STRIP2: variants seen among roughly 807,000 people sequenced by gnomAD.
STRIP2 encodes striatin-interacting protein 2.
STRIP2 carries 84 observed loss-of-function variants against 107.1 expected under a neutral mutation model. The observed-to-expected ratio is 0.78, with a 90% confidence interval of 0.66 to 0.94. STRIP2 has a LOEUF of 0.94. Ranked by LOEUF, STRIP2 falls within the 40% of genes least tolerant of loss-of-function variation. The probability of loss-of-function intolerance (pLI) is 0.00; values close to 1 mark genes in which losing one functional copy is unlikely to be tolerated. For synonymous variants in STRIP2, 394 were observed against 400.4 expected, an observed-to-expected ratio of 0.98 and a Z score of 0.19; for missense variants, 888 against 1,034.2, an observed-to-expected ratio of 0.86 and a Z score of 1.94.
At chr7:129,465,684 C>G (rs1368463451) in intron 16 of STRIP2, among the ~76,000 whole-genome samples, 1 of 152,198 alleles carries the variant, frequency 6.6e-6, no homozygotes, top group East Asian at 1.9e-4. Flanking sequence ...AATTAAGAAG[C>G]TGCTTTCCCG....
rs1475687232 is a variant in STRIP2 at position 129,453,248 on chromosome 7, C to G, written c.431C>G (p.Ser144Ter). The G allele has an allele frequency of 1.2e-6, 2 of 1,613,974 alleles. No individual in the cohort carries two copies. Among genetic ancestry groups the G allele is most frequent in the Non-Finnish European group, 1.7e-6 (2 of 1,180,000 alleles). The change falls in exon 5 of 21, where the codon TCA becomes TGA. Residue 144 changes from serine to a stop codon, truncating the protein, a stop_gained. Transcript: ENST00000249344. LOFTEE classifies it high-confidence loss of function. Reference protein sequence around the residue: ...LAQGTFGECDSEVDVLHWSRY... With the variant: ...LAQGTFGECD ...TTAGGTACTTTTGGGGAATGTGATTCAGAGGTCGATGTGCTACACTGGTCC... is the reference window on the plus strand; with the variant it reads ...TTAGGTACTTTTGGGGAATGTGATTGAGAGGTCGATGTGCTACACTGGTCC...
rs1445864872 is a variant in STRIP2 at position 129,454,481 on chromosome 7, C to T, written c.660C>T (p.Asp220=). 4 of 1,614,118 alleles carry T rather than the reference C, an allele frequency of 2.5e-6. No homozygotes were observed. Among genetic ancestry groups the T allele is most frequent in the Non-Finnish European group, 3.4e-6 (4 of 1,179,986 alleles). ...ATATTCGCCTGGAGCGAGAGACAGA[C>T]CCCTGTGGGTGGAGAACAGCCCGGG... The part of the protein sequence containing the change: ...VENIRLERET[D]PCGWRTARET... The change falls in exon 7 of 21, where the codon GAC becomes GAT. Residue 220 remains aspartate, a synonymous_variant. Transcript: ENST00000249344.
chr7:129,434,512 G>A lies in STRIP2; in HGVS notation c.40G>A (p.Ala14Thr). 2.0e-6 allele frequency: 3 copies of A among 1,517,500 alleles called. No individual in the cohort carries two copies. The highest frequency in any genetic ancestry group is 2.6e-6 in the Non-Finnish European group (3 of 1,139,944). 94.0% of individuals were successfully genotyped at this position (1,517,500 alleles called of 1,614,324 possible). A position where few individuals can be genotyped will look rare whatever the true frequency, so the allele number is the denominator to read the frequency against. ...PAAPGTGGPP[A>T]NGNGNGGGKG... Reference sequence around the variant, plus strand: ...CGCGCCTGGGACCGGGGGCCCGCCCGCAAATGGCAATGGCAACGGCGGCGG... The same window carrying A: ...CGCGCCTGGGACCGGGGGCCCGCCCACAAATGGCAATGGCAACGGCGGCGG... The change falls in exon 1 of 21, where the codon GCA (alanine) becomes ACA (threonine). Residue 14 changes from alanine to threonine, a missense_variant. Coordinates refer to ENST00000249344, the MANE Select transcript of STRIP2 (RefSeq NM_020704.3).
At chr7:129,485,511 C>A (rs10500117) in intron 20 of STRIP2, 68 bp from the exon 21 acceptor site, 4 of 1,571,654 alleles carry the variant, frequency 2.5e-6, no homozygotes, top group African/African-American at 2.7e-5. Context: ...TCCCATAGAC[C>A]ATGCTCTGTG....
At position 129,455,297 on chromosome 7, in the gene STRIP2, A is replaced by G. The variant is rs150002869; in HGVS notation, c.760A>G (p.Thr254Ala). 4.3e-5 allele frequency: 70 copies of G among 1,613,936 alleles called. No individual in the cohort carries two copies. In the East Asian group the frequency reaches 1.4e-3, roughly 33 times the overall value. ...PFALLLFSMV[T>A]KFCSGLAPHF... is the part of the protein sequence containing the mutation. ...TGCCCTTTTACTCTTCTCCATGGTT[A>G]CCAAGTTCTGCAGTGGCCTGGCTCC... is the stretch of plus-strand genomic sequence containing the variant. Residue 254 changes from threonine (T) to alanine (A), a missense_variant, in exon 8 of 21, where the codon ACC becomes GCC. Physicochemically the swap from Thr to Ala is moderately conservative, Grantham distance 58 (BLOSUM62 0). Transcript: ENST00000249344.
chr7:129,464,518 C>G, intron 15 of STRIP2, 94 bp from the exon 16 acceptor site: 1 of 1,404,258 alleles, frequency 7.1e-7, no homozygotes, highest in South Asian at 1.3e-5. Flanking sequence ...TTCTGGCTCT[C>G]TTGTGTATAT....
chr7:129,460,967 G>T (rs2402952), intron 13 of STRIP2, among the ~76,000 whole-genome samples: 29,933 of 152,222 alleles, frequency 0.2, 3,856 homozygotes, highest in Non-Finnish European at 0.28. Context: ...TTTGAAGCAG[G>T]GGAGTGATAT....
chr7:129,443,894 G>A, intron 2 of STRIP2, 130 bp from the exon 3 acceptor site: 1 of 712,656 alleles, frequency 1.4e-6, no homozygotes, highest in Non-Finnish European at 2.5e-6. Context: ...TGAAAAGGAG[G>A]AAGCTAGCTT....
At chr7:129,456,675 AC>A in intron 9 of STRIP2, 33 bp downstream of exon 9, 1 of 1,577,814 alleles carries the variant, frequency 6.3e-7, no homozygotes. Flanking sequence ...GTATTGGGAC[AC>A]CGACTGGCCA....
rs1798542620 is a variant in STRIP2, at chr7:129,461,740, A to G, written c.1477-1226A>G. ...TTGGAGTGTATTGAAGGGAATGTCA[A>G]AAAAGGAGGTAGATGATATAAAAGT... is the stretch of plus-strand genomic sequence containing the variant. On this transcript the variant is annotated intron_variant, in intron 13 of 20. Coordinates refer to ENST00000249344, the MANE Select transcript of STRIP2 (RefSeq NM_020704.3). This position sits in a 1 kb window ranked among gnomAD's most constrained non-coding sequence, Gnocchi z 4.0. 6.6e-6 allele frequency among the ~76,000 whole-genome samples: 1 copy of G among 152,212 alleles called. No individual in the cohort carries two copies. The highest frequency in any genetic ancestry group is 1.5e-5 in the Non-Finnish European group (1 of 68,040).
At chr7:129,456,318 G>A in intron 8 of STRIP2, 121 bp from the exon 9 acceptor site, 1 of 799,358 alleles carries the variant, frequency 1.3e-6, no homozygotes, top group Non-Finnish European at 2.0e-6. Context: ...CCTTATTAAG[G>A]AAAAGGTCTG....
Position 129,434,462 on chromosome 7 carries a change from T to C in STRIP2, c.-11T>C, listed in dbSNP as rs551874048. The C allele has an allele frequency of 2.7e-6, 4 of 1,503,820 alleles. No homozygotes were observed. The South Asian group carries it at 3.7e-5, about 14-fold the overall frequency. The allele number at this position is 1,503,820 out of a possible 1,614,324, so 93.2% of individuals were successfully genotyped here. A position where few individuals can be genotyped will look rare whatever the true frequency, so the allele number is the denominator to read the frequency against. On this transcript the variant is annotated 5_prime_UTR_variant, in exon 1 of 21. Transcript: ENST00000249344. ...CGAGCTGAACCCTGAGGGGAGCCGC[T>C]GACCAGCAGCATGGAGGACCCCGCC...
rs902703656 is a variant in STRIP2, at chr7:129,458,112, C to T, written c.1039-103C>T. ...TTTCGCAAGGGCTGTGTTCAGATTC[C>T]ATGTTCCCTGAAATGTGGAGGCCTG... On this transcript the variant is annotated intron_variant, in intron 9 of 20. Coordinates refer to ENST00000249344, the MANE Select transcript of STRIP2 (RefSeq NM_020704.3). This position sits in a 1 kb window ranked among gnomAD's most constrained non-coding sequence, Gnocchi z 4.6. 1.1e-6 allele frequency: 1 copy of T among 879,614 alleles called. No individual in the cohort carries two copies. The highest frequency in any genetic ancestry group is 1.6e-5 in the African/African-American group (1 of 60,648). 54.5% of individuals were successfully genotyped at this position (879,614 alleles called of 1,614,324 possible). A position where few individuals can be genotyped will look rare whatever the true frequency, so the allele number is the denominator to read the frequency against.
chr7:129,453,447 G>A (rs1798254706), intron 5 of STRIP2, 100 bp downstream of exon 5: 1 of 1,467,912 alleles, frequency 6.8e-7, no homozygotes. Context: ...CCCCCTGTGA[G>A]GAACTGGGTC....
intron 13 of STRIP2, 119 bp from the exon 14 acceptor site, chr7:129,462,847 G>A: frequency 1.4e-6 from 1 of 727,618 alleles, no homozygotes; most frequent in Non-Finnish European, 2.4e-6. Flanking sequence ...AGCTAGGGTA[G>A]AAACCTAGAT....
At chr7:129,444,379 G>A (rs532003372) in intron 3 of STRIP2, among the ~76,000 whole-genome samples, 4 of 152,270 alleles carry the variant, frequency 2.6e-5, no homozygotes, top group South Asian at 2.1e-4. Flanking sequence ...CTTGGAGTCC[G>A]ATATTCGAGG....
Position 129,476,852 on chromosome 7 carries a change from G to A in STRIP2, c.1945-3933G>A, listed in dbSNP as rs531696305. On this transcript the variant is annotated intron_variant, in intron 18 of 20. Transcript: ENST00000249344. ...TGGGAGGTGGAGGTTGTAGCTAGCCGAGATCACGCCACTGCACTCCAGCCT... is the reference window on the plus strand; with the variant it reads ...TGGGAGGTGGAGGTTGTAGCTAGCCAAGATCACGCCACTGCACTCCAGCCT... Among the ~76,000 whole-genome samples, 248 of 152,122 alleles carry A rather than the reference G, an allele frequency of 1.6e-3. 1 individual carries two copies. Among genetic ancestry groups the A allele is most frequent in the African/African-American group, 5.6e-3 (234 of 41,530 alleles).
rs772782301 is a variant in STRIP2, at chr7:129,458,382, C to T, written c.1206C>T (p.Pro402=). Residue 402 remains proline, a synonymous_variant, in exon 10 of 21, where the codon CCC becomes CCT. Coordinates refer to ENST00000249344, the MANE Select transcript of STRIP2 (RefSeq NM_020704.3). The surrounding 1 kb of genome is among the most constrained non-coding windows in gnomAD (Gnocchi z 4.6). ...LEQDPLVPPP[P]SQAPLSAERV... is the part of the protein sequence containing the mutation. ...AGGACCCTCTGGTGCCACCTCCACC[C>T]TCACAGGCACCCCTCTCTGCTGAGC... 6.2e-7 allele frequency: 1 copy of T among 1,613,730 alleles called. No individual in the cohort carries two copies. Among genetic ancestry groups the T allele is most frequent in the Non-Finnish European group, 8.5e-7 (1 of 1,179,864 alleles).
chr7:129,484,316 C>G (rs1799194662), intron 20 of STRIP2, among the ~76,000 whole-genome samples: 2 of 152,198 alleles, frequency 1.3e-5, no homozygotes, highest in Non-Finnish European at 2.9e-5. Flanking sequence ...TTTGGTTAAA[C>G]TACCAGAACT....
Sources: gnomAD v4.1 joint callset for allele counts (sites outside exome capture counted in the v4.1 genomes callset) on GRCh38, gnomAD v4.1.1 for gene constraint, Gnocchi (gnomAD v3.1) non-coding constraint, MANE v1.5 for transcripts, NCBI Gene and HGNC (gene_info 2026-07-23, HGNC 2026-07-21) for gene names.